Variants in CDH26 observed in about 807,000 individuals in gnomAD.
CDH26 encodes the protein cadherin-like protein 26.
Under a neutral mutation model 90.3 loss-of-function variants are expected in CDH26, and 83 were observed. That is an observed-to-expected ratio of 0.92 (90% confidence interval 0.77 to 1.10). The LOEUF (loss-of-function observed/expected upper bound fraction) is 1.10, where lower values mean the gene tolerates loss of function less well. Among genes scored for constraint, CDH26 ranks in the 50% least tolerant of loss-of-function variants. The pLI, the probability that CDH26 is intolerant of heterozygous loss-of-function variation, is 0.00. For missense variants in CDH26, 1,013 were observed against 1,037.6 expected (o/e 0.98, Z 0.33); for synonymous variants, 397 against 396.3 (o/e 1.00, Z -0.02).
intron 4 of CDH26, among the ~76,000 whole-genome samples, chr20:59,973,017 T>A (rs1457939647): frequency 6.6e-6 from 1 of 152,202 alleles, no homozygotes; most frequent in Non-Finnish European, 1.5e-5. Context: ...TCTGTATGAA[T>A]GCATGCCTCC....
chr20:60,010,372 A>AT lies in CDH26; in HGVS notation c.2296-2154dup, dbSNP rs1376099283. ...ATGAGCTCACCCTCTCAGAATTACTATCAGCAGTGACGGATTAGACAGGCT... is the reference window on the plus strand; with the variant it reads ...ATGAGCTCACCCTCTCAGAATTACTATTCAGCAGTGACGGATTAGACAGGCT... On this transcript the variant is annotated intron_variant, in intron 17 of 17. Coordinates refer to ENST00000348616, the MANE Select transcript of CDH26 (RefSeq NM_177980.4). Among the ~76,000 whole-genome samples, 35 of 152,292 alleles carry AT rather than the reference A, an allele frequency of 2.3e-4. 1 individual carries two copies. The South Asian group carries it at 7.0e-3, about 31-fold the overall frequency.
intron 4 of CDH26, 30 bp downstream of exon 4, chr20:59,972,153 G>A (rs369484560): frequency 2.3e-5 from 37 of 1,597,916 alleles, no homozygotes; most frequent in African/African-American, 1.3e-4. Flanking sequence ...TTCTAAGCTC[G>A]GATTTAAAAG....
rs117639642 is a variant in CDH26, at chr20:60,033,825, G to A, written c.*149G>A. The A allele has an allele frequency of 9.1e-5, 95 of 1,048,566 alleles. 2 individuals are homozygous for A. The East Asian group carries it at 5.7e-3, about 63-fold the overall frequency. The allele number at this position is 1,048,566 out of a possible 1,614,324, so 65.0% of individuals were successfully genotyped here. The stretch of plus-strand genomic sequence containing the variant: ...TGTGTGATCATGAAGAAGAAATAAT[G>A]TGCAAAGCCCTGGTCATAAATAACT... On this transcript the variant is annotated 3_prime_UTR_variant, in exon 9 of 9. Coordinates refer to the CDH26 transcript ENST00000370991.
intron 11 of CDH26, among the ~76,000 whole-genome samples, chr20:59,995,119 G>C (rs1299486250): frequency 6.6e-6 from 1 of 152,228 alleles, no homozygotes; most frequent in Non-Finnish European, 1.5e-5. Context: ...GTAGTTCTCA[G>C]ACCTGGAGTG....
chr20:59,989,249 C>T lies in CDH26; in HGVS notation c.1283+86C>T, dbSNP rs2145990695. ...GGCTCCTGTTAGAAAACCAGCTCGG[C>T]CGGGCGCGGTGGCTCACGCCTGTAA... On this transcript the variant is annotated intron_variant, in intron 9 of 17. Transcript: ENST00000348616. 7.1e-6 allele frequency: 11 copies of T among 1,556,360 alleles called. No homozygotes were observed. In the East Asian group the frequency reaches 2.5e-4, roughly 35 times the overall value.
intron 7 of CDH26, among the ~76,000 whole-genome samples, chr20:60,025,957 A>G (rs2061993450): frequency 6.6e-6 from 1 of 152,198 alleles, no homozygotes; most frequent in Non-Finnish European, 1.5e-5. Flanking sequence ...ATCTACCGAA[A>G]TGGACCTTAT....
chr20:59,964,199 G>A (rs1432265319), intron 1 of CDH26, among the ~76,000 whole-genome samples: 7 of 152,228 alleles, frequency 4.6e-5, no homozygotes, highest in Admixed American at 4.6e-4. Flanking sequence ...TAGCTCTTTA[G>A]TATCCTGTAT....
rs1261005381 is a variant in CDH26 at position 60,021,916 on chromosome 20, A to ATATATATATATC, written c.948-9314_948-9313insATATATATATCT. Among the ~76,000 whole-genome samples the ATATATATATATC allele has an allele frequency of 2.5e-3, 240 of 95,858 alleles. 2 individuals are homozygous for ATATATATATATC. The highest frequency in any genetic ancestry group is 6.0e-3 in the African/African-American group (190 of 31,502). The allele number at this position is 95,858 out of a possible 152,430, so 62.9% of individuals were successfully genotyped here. On this transcript the variant is annotated intron_variant, in intron 7 of 8. Coordinates refer to the CDH26 transcript ENST00000370991. Reference sequence around the variant, plus strand: ...CACACACATATATATATATATATATATCCTGACTATTTTCATAGGCCTTTC... The same window carrying ATATATATATATC: ...CACACACATATATATATATATATATATATATATATATCTCCTGACTATTTTCATAGGCCTTTC...
intron 7 of CDH26, among the ~76,000 whole-genome samples, chr20:60,022,857 C>G (rs893445015): frequency 2.0e-4 from 30 of 152,030 alleles, no homozygotes; most frequent in African/African-American, 7.0e-4. Flanking sequence ...AAATTTTGTG[C>G]AAGTATGAGG....
intron 17 of CDH26, among the ~76,000 whole-genome samples, chr20:60,009,949 C>T (rs532062752): frequency 6.0e-4 from 91 of 152,252 alleles, no homozygotes; most frequent in Non-Finnish European, 2.1e-4. Flanking sequence ...TCTTTCCTCC[C>T]CCTGCCCCCA....
At chr20:59,998,881 T>C (rs2061638766) in intron 13 of CDH26, among the ~76,000 whole-genome samples, 1 of 152,248 alleles carries the variant, frequency 6.6e-6, no homozygotes, top group South Asian at 2.1e-4. Context: ...TTACTGATTA[T>C]ATCTCTGTAA....
chr20:60,011,125 C>T (rs1489381407), intron 17 of CDH26, among the ~76,000 whole-genome samples: 1 of 152,056 alleles, frequency 6.6e-6, no homozygotes, highest in Non-Finnish European at 1.5e-5. Context: ...CAGGCATTGG[C>T]CATGGGGCTG....
At position 59,984,779 on chromosome 20, in the gene CDH26, C is replaced by G. The variant is rs766848205; in HGVS notation, c.682C>G (p.Arg228Gly). 5.6e-6 allele frequency: 9 copies of G among 1,612,000 alleles called. No individual in the cohort carries two copies. The highest frequency in any genetic ancestry group is 7.6e-6 in the Non-Finnish European group (9 of 1,179,486). ...GGTTGATCGCCTTAGTGGAGAAATA[C>G]GACTCTCTGGCTGCTTAGATTATGA... ...FRVDRLSGEI[R>G]LSGCLDYETA... is the part of the protein sequence containing the mutation. The change falls in exon 6 of 18, where the codon CGA (arginine) becomes GGA (glycine). Residue 228 changes from arginine (R) to glycine (G), a missense_variant. Coordinates refer to ENST00000348616, the MANE Select transcript of CDH26 (RefSeq NM_177980.4).
intron 7 of CDH26, among the ~76,000 whole-genome samples, chr20:60,028,141 A>G (rs2062013262): frequency 6.6e-6 from 1 of 152,184 alleles, no homozygotes; most frequent in Admixed American, 6.5e-5. Flanking sequence ...GATGCTGAAC[A>G]AGGTGCTGAG....
intron 1 of CDH26, among the ~76,000 whole-genome samples, chr20:59,962,068 T>G (rs1009551449): frequency 6.6e-6 from 1 of 152,196 alleles, no homozygotes; most frequent in Admixed American, 6.5e-5. Context: ...AGTGATGGGT[T>G]GCAGAAGGTG....
intron 16 of CDH26, among the ~76,000 whole-genome samples, chr20:60,004,080 G>A (rs1261534305): frequency 6.6e-6 from 1 of 152,192 alleles, no homozygotes. Flanking sequence ...TAAACAGACT[G>A]AGGGCACAGC....
intron 1 of CDH26, 93 bp downstream of exon 1, chr20:59,958,888 G>A (rs2061032033): frequency 3.8e-6 from 5 of 1,311,510 alleles, no homozygotes; most frequent in Non-Finnish European, 5.3e-6. Context: ...GGAGGGGAGA[G>A]GGACTGAGTG....
intron 7 of CDH26, among the ~76,000 whole-genome samples, chr20:59,986,764 C>A (rs2061464126): frequency 1.3e-5 from 2 of 151,708 alleles, no homozygotes; most frequent in South Asian, 2.1e-4. Flanking sequence ...ATGATGCAAA[C>A]AATTATTTTT....
chr20:59,994,641 G>A, intron 11 of CDH26, 152 bp downstream of exon 11: 1 of 948,124 alleles, frequency 1.1e-6, no homozygotes, highest in Non-Finnish European at 1.5e-6. Context: ...GGATATCCCT[G>A]GATATCCTTC....
Sources: allele counts gnomAD v4.1 joint callset (sites outside exome capture counted in the v4.1 genomes callset), GRCh38; gene constraint gnomAD v4.1.1; transcripts MANE v1.5; gene names NCBI Gene and HGNC (gene_info 2026-07-23, HGNC 2026-07-21).